LIPG: variants seen among roughly 807,000 people sequenced by gnomAD.
LIPG encodes endothelial lipase.
Under a neutral mutation model 51.8 loss-of-function variants are expected in LIPG, and 34 were observed. That is an observed-to-expected ratio of 0.66 (90% CI 0.50 to 0.87). The LOEUF (loss-of-function observed/expected upper bound fraction) is 0.87. Ranked by LOEUF, LIPG falls within the 40% of genes least tolerant of loss-of-function variation. The pLI, the probability that LIPG is intolerant of heterozygous loss-of-function variation, is 0.00. For synonymous variants in LIPG, 246 were observed against 246.1 expected (o/e 1.00, Z 0.00); for missense variants, 580 against 652.7 (o/e 0.89, Z 1.21).
chr18:49,587,977 A>C (rs911298295), intron 9 of LIPG, among the ~76,000 whole-genome samples: 3 of 152,004 alleles, frequency 2.0e-5, no homozygotes, highest in Admixed American at 6.6e-5. Flanking sequence ...TTTTGCAGAG[A>C]CGGGGTTTCA....
chr18:49,583,800 G>A (rs1483492894), intron 8 of LIPG, 26 bp downstream of exon 8: 2 of 1,584,486 alleles, frequency 1.3e-6, no homozygotes, highest in Admixed American at 1.8e-5. Flanking sequence ...TCCTTCTTCT[G>A]CCTGGTGTAG....
intron 5 of LIPG, among the ~76,000 whole-genome samples, chr18:49,579,007 A>AC (rs1232155008): frequency 0.28 from 165 of 594 alleles, 4 homozygotes; most frequent in African/African-American, 0.32. Context: ...CCGTGGGGAG[A>AC]GGGAGAGGGA....
chr18:49,586,334 A>T (rs1446171492), intron 8 of LIPG, among the ~76,000 whole-genome samples: 1 of 152,244 alleles, frequency 6.6e-6, no homozygotes, highest in Non-Finnish European at 1.5e-5. Flanking sequence ...AACATTTTTT[A>T]AAACTCCATG....
intron 9 of LIPG, among the ~76,000 whole-genome samples, chr18:49,588,916 C>T (rs2084912878): frequency 6.6e-6 from 1 of 152,120 alleles, no homozygotes; most frequent in Admixed American, 6.5e-5. Context: ...GCCCAGCCTG[C>T]ACCCAGGGAC....
chr18:49,583,091 G>T (rs777662787), intron 7 of LIPG, among the ~76,000 whole-genome samples: 1 of 152,178 alleles, frequency 6.6e-6, no homozygotes, highest in Non-Finnish European at 1.5e-5. Context: ...TAGGAGTTTG[G>T]GGGAGACAGA....
chr18:49,571,693 G>A (rs146098860), intron 4 of LIPG, among the ~76,000 whole-genome samples: 1,659 of 152,248 alleles, frequency 0.011, 23 homozygotes, highest in African/African-American at 0.037. Flanking sequence ...CAAGGTGATC[G>A]CAACTGGTAA....
Position 49,597,525 on chromosome 18 carries a change from AC to A in LIPG, c.*7005del, listed in dbSNP as rs1224760331. 2 of 152,204 alleles carry A rather than the reference AC, an allele frequency of 1.3e-5. No homozygotes were observed. Among genetic ancestry groups the A allele is most frequent in the African/African-American group, 4.8e-5 (2 of 41,448 alleles). The allele number at this position is 152,204 out of a possible 1,614,324, so 9.4% of individuals were successfully genotyped here. ...GGGCTCAAGTCATTTGTTTTCCTAA[AC>A]CTTTGTGGTTATCCATACCATTTAA... On this transcript the variant is annotated 3_prime_UTR_variant, in exon 10 of 10. Transcript: ENST00000261292.
At chr18:49,574,861 T>C (rs564128589) in intron 4 of LIPG, among the ~76,000 whole-genome samples, 41 of 152,176 alleles carry the variant, frequency 2.7e-4, no homozygotes, top group Non-Finnish European at 5.3e-4. Flanking sequence ...GAAGAATAAA[T>C]TCAGATACAA....
Position 49,582,350 on chromosome 18 carries a change from C to G in LIPG, c.1037-12C>G, listed in dbSNP as rs769890697. 6 of 1,614,146 alleles carry G rather than the reference C, an allele frequency of 3.7e-6. No homozygotes were observed. Among genetic ancestry groups the G allele is most frequent in the Non-Finnish European group, 4.2e-6 (5 of 1,180,018 alleles). ...AAGGGTTACAAGCATCTTTGTTCTG[C>G]TGTCACTGCAGTTTACCATTATCAG... is the stretch of plus-strand genomic sequence containing the variant. On this transcript the variant is annotated splice_polypyrimidine_tract_variant and intron_variant, in intron 6 of 9. Coordinates refer to ENST00000261292, the MANE Select transcript of LIPG (RefSeq NM_006033.4).
In LIPG at chr18:49,590,584, G is replaced by GGAAAA; in HGVS notation, c.*66_*67insAGAAA. On this transcript the variant is annotated 3_prime_UTR_variant, in exon 10 of 10. Coordinates refer to ENST00000261292, the MANE Select transcript of LIPG (RefSeq NM_006033.4). ...ACTTCCTGCTATCCAAGCCCATGGA[G>GGAAAA]GAAAGTTACTGCTGAGGACCCACCC... 1 of 1,529,002 alleles carries GGAAAA rather than the reference G, an allele frequency of 6.5e-7. No homozygotes were observed. The highest frequency in any genetic ancestry group is 8.9e-7 in the Non-Finnish European group (1 of 1,121,126). The allele number at this position is 1,529,002 out of a possible 1,614,324, so 94.7% of individuals were successfully genotyped here. A position where few individuals can be genotyped will look rare whatever the true frequency, so the allele number is the denominator to read the frequency against.
chr18:49,583,854 C>T, intron 8 of LIPG, 80 bp downstream of exon 8: 2 of 1,269,702 alleles, frequency 1.6e-6, no homozygotes, highest in South Asian at 1.4e-5. Context: ...CTTTCCTTTG[C>T]TGCATCTACC....
At chr18:49,584,058 G>A (rs1335262375) in intron 8 of LIPG, among the ~76,000 whole-genome samples, 3 of 152,200 alleles carry the variant, frequency 2.0e-5, no homozygotes, top group African/African-American at 7.2e-5. Flanking sequence ...TCAGCCTGGA[G>A]GAGGGGGACT....
upstream of LIPG, chr18:49,561,969 G>A: frequency 7.2e-7 from 1 of 1,389,340 alleles, no homozygotes; most frequent in Non-Finnish European, 9.3e-7. Context: ...TCAGAGCCCA[G>A]AGACGGGAAT....
intron 8 of LIPG, 33 bp from the exon 9 acceptor site, chr18:49,586,713 C>T (rs2084883563): frequency 6.8e-7 from 1 of 1,481,466 alleles, no homozygotes; most frequent in African/African-American, 1.4e-5. Context: ...CCCTAAAGTT[C>T]TGCCTACATC....
At chr18:49,581,917 T>G in intron 6 of LIPG, 1 of 598,616 alleles carries the variant, frequency 1.7e-6, no homozygotes, top group South Asian at 2.1e-5. Flanking sequence ...GCATTTAACT[T>G]TCAAAGCTGT....
At chr18:49,587,443 C>G (rs945364970) in intron 9 of LIPG, among the ~76,000 whole-genome samples, 1 of 151,726 alleles carries the variant, frequency 6.6e-6, no homozygotes, top group Non-Finnish European at 1.5e-5. Flanking sequence ...GTGACGGGTG[C>G]CTGTAGTCCC....
At position 49,565,302 on chromosome 18, in the gene LIPG, G is replaced by A; in HGVS notation, c.98-15G>A. The A allele has an allele frequency of 1.9e-6, 3 of 1,613,548 alleles. No individual in the cohort carries two copies. Among genetic ancestry groups the A allele is most frequent in the Non-Finnish European group, 2.5e-6 (3 of 1,179,938 alleles). On this transcript the variant is annotated splice_polypyrimidine_tract_variant and intron_variant, in intron 1 of 9. Coordinates refer to ENST00000261292, the MANE Select transcript of LIPG (RefSeq NM_006033.4). Reference sequence around the variant, plus strand: ...AGTCTGCTAGATGCACCCACGCTCTGTTCTGTCTCCCCAGATAAGCTCCAC... The same window carrying A: ...AGTCTGCTAGATGCACCCACGCTCTATTCTGTCTCCCCAGATAAGCTCCAC...
At chr18:49,582,538 ATG>A (rs776370435) in intron 7 of LIPG, 56 bp downstream of exon 7, 219 of 1,609,970 alleles carry the variant, frequency 1.4e-4, no homozygotes, top group South Asian at 1.9e-4. Context: ...TGGTTTGAGA[ATG>A]AGAGAGCACA....
intron 5 of LIPG, among the ~76,000 whole-genome samples, chr18:49,580,904 T>C (rs1051806601): frequency 1.3e-5 from 2 of 152,184 alleles, no homozygotes; most frequent in Non-Finnish European, 2.9e-5. Flanking sequence ...TTAGGCAGCA[T>C]GAATGGCCTT....
Sources: allele counts gnomAD v4.1 joint callset (sites outside exome capture counted in the v4.1 genomes callset), GRCh38; gene constraint gnomAD v4.1.1; transcripts MANE v1.5; gene names NCBI Gene and HGNC (gene_info 2026-07-23, HGNC 2026-07-21).